The following SYNE3 variants were observed in gnomAD, a reference collection of about 807,000 sequenced individuals.
SYNE3 encodes the protein spectrin repeat containing nuclear envelope family member 3.
Under a neutral mutation model 111.2 loss-of-function variants are expected in SYNE3, and 100 were observed. The observed-to-expected ratio is 0.90, with a 90% CI of 0.77 to 1.06. The LOEUF (loss-of-function observed/expected upper bound fraction) is 1.06. Ranked by LOEUF, SYNE3 falls within the 50% of genes least tolerant of loss-of-function variation. SYNE3 has a pLI of 0.00. For missense variants in SYNE3, 1,160 were observed against 1,240.3 expected (o/e 0.94, Z 0.97); for synonymous variants, 547 against 533.9 (o/e 1.02, Z -0.34).
At chr14:95,457,984 T>C (rs1887571485) in intron 4 of SYNE3, among the ~76,000 whole-genome samples, 1 of 152,094 alleles carries the variant, frequency 6.6e-6, no homozygotes, top group African/African-American at 2.4e-5. Context: ...ATGAATACGG[T>C]GATGTGTGTT....
At chr14:95,463,080 C>T (rs963016342) in intron 4 of SYNE3, among the ~76,000 whole-genome samples, 7 of 152,006 alleles carry the variant, frequency 4.6e-5, no homozygotes, top group Non-Finnish European at 1.0e-4. Flanking sequence ...CACTTGAACC[C>T]GGGAGGCAGA....
intron 2 of SYNE3, among the ~76,000 whole-genome samples, chr14:95,472,560 C>T (rs1888591841): frequency 1.3e-5 from 2 of 152,220 alleles, no homozygotes; most frequent in African/African-American, 4.8e-5. Flanking sequence ...ACTGTGCATA[C>T]AAGCATGTCT....
At chr14:95,422,544 C>T (rs191995220) in intron 17 of SYNE3, among the ~76,000 whole-genome samples, 7 of 152,296 alleles carry the variant, frequency 4.6e-5, no homozygotes, top group Admixed American at 6.5e-5. Flanking sequence ...GTTGTTCAAC[C>T]GGGATCTGTG....
At chr14:95,449,359 G>C (rs1886912506) in intron 8 of SYNE3, 1 of 913,928 alleles carries the variant, frequency 1.1e-6, no homozygotes, top group Admixed American at 6.2e-5. Context: ...GGGTGTCAGG[G>C]GAAGATTTGA....
At position 95,500,024 on chromosome 14, in the gene SYNE3, T is replaced by G. The variant is rs1471556223; in HGVS notation, c.-15+16572A>C. Among the ~76,000 whole-genome samples the G allele has an allele frequency of 6.6e-6, 1 of 152,076 alleles. No individual in the cohort carries two copies. Among genetic ancestry groups the G allele is most frequent in the Non-Finnish European group, 1.5e-5 (1 of 68,022 alleles). ...ACAGGCACCTGCCACCACACCCGAC[T>G]AATTTTTTTATTTTTAGTAGAGACG... is the stretch of plus-strand genomic sequence containing the variant. On this transcript the variant is annotated intron_variant, in intron 1 of 17. Coordinates refer to ENST00000682763, the MANE Select transcript of SYNE3 (RefSeq NM_152592.6). The surrounding 1 kb of genome is among the most constrained non-coding windows in gnomAD (Gnocchi z 4.7).
At position 95,409,698 on chromosome 14, in the gene SYNE3, T is replaced by C. The variant is rs777085115; in HGVS notation, c.*8128A>G. 9 of 306,398 alleles carry C rather than the reference T, an allele frequency of 2.9e-5. No homozygotes were observed. The highest frequency in any genetic ancestry group is 5.1e-5 in the Non-Finnish European group (8 of 156,592). The allele number at this position is 306,398 out of a possible 1,614,324, so 19.0% of individuals were successfully genotyped here. On this transcript the variant is annotated 3_prime_UTR_variant, in exon 18 of 18. Coordinates refer to ENST00000682763, the MANE Select transcript of SYNE3 (RefSeq NM_152592.6). ...TCTTTTAGAAACAAATTCCTCCTTG[T>C]TCTTACTTTGAAAAACAGAAGTCGT...
chr14:95,448,779 G>GC (rs1213475658), intron 8 of SYNE3, among the ~76,000 whole-genome samples: 2 of 152,196 alleles, frequency 1.3e-5, no homozygotes, highest in East Asian at 3.9e-4. Context: ...CAAAATGCAG[G>GC]CACATGGCCA....
intron 17 of SYNE3, among the ~76,000 whole-genome samples, chr14:95,423,501 C>T (rs936716813): frequency 3.4e-5 from 5 of 146,810 alleles, no homozygotes; most frequent in African/African-American, 1.0e-4. Context: ...ATTTGATGGG[C>T]ATAGGGATTT....
At chr14:95,436,176 A>G (rs549498189) in intron 15 of SYNE3, among the ~76,000 whole-genome samples, 2 of 152,206 alleles carry the variant, frequency 1.3e-5, no homozygotes, top group South Asian at 4.2e-4. Context: ...CCTTCCATCA[A>G]GTAGTGGAGT....
chr14:95,469,673 T>C (rs555652047), intron 2 of SYNE3, among the ~76,000 whole-genome samples: 2 of 152,012 alleles, frequency 1.3e-5, no homozygotes, highest in Admixed American at 6.6e-5. Context: ...ATCAAACCAC[T>C]ACGCTCCAGC....
chr14:95,477,046 T>G (rs1217112792), intron 1 of SYNE3, among the ~76,000 whole-genome samples: 1 of 152,226 alleles, frequency 6.6e-6, no homozygotes, highest in Non-Finnish European at 1.5e-5. Context: ...TATTAGGTAG[T>G]CACAACTCAA....
At chr14:95,508,368 C>T (rs796127573) in intron 1 of SYNE3, among the ~76,000 whole-genome samples, 7 of 152,332 alleles carry the variant, frequency 4.6e-5, no homozygotes, top group African/African-American at 1.4e-4. Context: ...CCCATTCACT[C>T]GTTCATTCAT....
At chr14:95,487,806 A>C (rs1280886141) in intron 1 of SYNE3, among the ~76,000 whole-genome samples, 1 of 152,098 alleles carries the variant, frequency 6.6e-6, no homozygotes, top group African/African-American at 2.4e-5. Flanking sequence ...GGGATGACAC[A>C]GAAAATACAG....
rs1566665450 is a variant in SYNE3 at position 95,455,662 on chromosome 14, CG to C, written c.851del (p.Ala284GlyfsTer22). The C allele has an allele frequency of 6.2e-7, 1 of 1,614,196 alleles. No homozygotes were observed. The highest frequency in any genetic ancestry group is 1.1e-5 in the South Asian group (1 of 91,086). ...ESLETLEEQS[A>X]GVIRNTSPLG... Reference sequence around the variant, plus strand: ...AAGGAGAGGTGTTCCGAATGACACCCGCAGACTGCTCCTCCAGCGTCTCCAG... The same window carrying C: ...AAGGAGAGGTGTTCCGAATGACACCCCAGACTGCTCCTCCAGCGTCTCCAG... On this transcript the variant is annotated frameshift_variant, in exon 6 of 18. Transcript: ENST00000682763. LOFTEE classifies it high-confidence loss of function.
chr14:95,442,508 G>C (rs1886465382), intron 11 of SYNE3, among the ~76,000 whole-genome samples: 1 of 152,172 alleles, frequency 6.6e-6, no homozygotes, highest in Non-Finnish European at 1.5e-5. Context: ...CAGAGACCCT[G>C]CTTTATACTC....
rs1302181627 is a variant in SYNE3, at chr14:95,414,417, C to T, written c.*3409G>A. On this transcript the variant is annotated 3_prime_UTR_variant, in exon 18 of 18. Coordinates refer to ENST00000682763, the MANE Select transcript of SYNE3 (RefSeq NM_152592.6). ...AGCACCAAACGAGCACATTCTTTGTCTCCCTTGTCGGTGTTCCCTCTGTCC... is the reference window on the plus strand; with the variant it reads ...AGCACCAAACGAGCACATTCTTTGTTTCCCTTGTCGGTGTTCCCTCTGTCC... The T allele has an allele frequency of 6.6e-6, 1 of 152,226 alleles. No individual in the cohort carries two copies. Among genetic ancestry groups the T allele is most frequent in the Non-Finnish European group, 1.5e-5 (1 of 68,050 alleles). The allele number at this position is 152,226 out of a possible 1,614,324, so 9.4% of individuals were successfully genotyped here.
In SYNE3 at chr14:95,485,759, T is replaced by C. The variant is rs540838686; in HGVS notation, c.-14-9924A>G. On this transcript the variant is annotated intron_variant, in intron 1 of 17. Transcript: ENST00000682763. The surrounding 1 kb of genome is among the most constrained non-coding windows in gnomAD (Gnocchi z 4.3). ...ACTGACACAGCCATGGCCACTCCTA[T>C]GCAGACATCCATCTCAGCCTGGATC... Among the ~76,000 whole-genome samples, 12 of 152,134 alleles carry C rather than the reference T, an allele frequency of 7.9e-5. No individual in the cohort carries two copies. The highest frequency in any genetic ancestry group is 1.5e-4 in the Non-Finnish European group (10 of 68,022).
intron 17 of SYNE3, among the ~76,000 whole-genome samples, chr14:95,418,448 C>T (rs1007056356): frequency 6.6e-6 from 1 of 152,134 alleles, no homozygotes; most frequent in Admixed American, 6.5e-5. Flanking sequence ...TAAGTATGTA[C>T]CAGCTGCTGT....
chr14:95,418,075 T>G lies in SYNE3; in HGVS notation c.2728-49A>C, dbSNP rs201427592. 19 of 1,593,320 alleles carry G rather than the reference T, an allele frequency of 1.2e-5. No individual in the cohort carries two copies. In the East Asian group the frequency reaches 3.4e-4, roughly 28 times the overall value. On this transcript the variant is annotated intron_variant, in intron 17 of 17. Transcript: ENST00000682763. ...TGAGTGGGCTGGGGGGCTCTGGTGG[T>G]GGGGGGCAGGTTCAGGGGGCGAGGA...
Sources: allele counts gnomAD v4.1 joint callset (sites outside exome capture counted in the v4.1 genomes callset), GRCh38; gene constraint gnomAD v4.1.1; non-coding constraint Gnocchi (gnomAD v3.1); transcripts MANE v1.5; gene names NCBI Gene and HGNC (gene_info 2026-07-23, HGNC 2026-07-21).